Variants in LRP1B observed in about 807,000 individuals in gnomAD.
LRP1B encodes the protein LDL receptor related protein 1B, also known as low-density lipoprotein receptor-related protein 1B.
A neutral mutation model predicts 556.6 loss-of-function variants in LRP1B; 217 were observed. That is an observed-to-expected ratio of 0.39 (90% CI 0.35 to 0.44). The LOEUF (loss-of-function observed/expected upper bound fraction) is 0.44, where lower values mean the gene tolerates loss of function less well. LRP1B is among the 20% of genes least tolerant of loss of function. The probability of loss-of-function intolerance (pLI) is 1.00; values close to 1 mark genes in which losing one functional copy is unlikely to be tolerated. For synonymous variants in LRP1B, 2,047 were observed against 1,865.8 expected (o/e 1.10, Z -2.50); for missense variants, 5,053 against 5,620.8 (o/e 0.90, Z 3.23).
intron 86 of LRP1B, among the ~76,000 whole-genome samples, chr2:140,262,594 A>C (rs565242198): frequency 6.6e-6 from 1 of 152,282 alleles, no homozygotes; most frequent in Non-Finnish European, 1.5e-5. Flanking sequence ...TTGATAGTGA[A>C]GATACTGGAC....
intron 35 of LRP1B, among the ~76,000 whole-genome samples, chr2:140,739,373 AAAAT>A (rs1409091014): frequency 6.6e-6 from 1 of 152,026 alleles, no homozygotes; most frequent in East Asian, 1.9e-4. Flanking sequence ...AAAAAAAAAA[AAAAT>A]GACAGAATAG....
chr2:140,850,340 A>T lies in LRP1B; in HGVS notation c.4712-11T>A. 6.6e-7 allele frequency: 1 copy of T among 1,525,672 alleles called. No individual in the cohort carries two copies. The highest frequency in any genetic ancestry group is 1.8e-5 in the Admixed American group (1 of 56,244). The allele number at this position is 1,525,672 out of a possible 1,614,324, so 94.5% of individuals were successfully genotyped here. ...GAAATTTTTTCATTTCTAAAAAAGA[A>T]ATAGAAATTCTTTTCTCTTATGAAG... On this transcript the variant is annotated splice_polypyrimidine_tract_variant and intron_variant, in intron 28 of 90. Transcript: ENST00000389484.
chr2:141,580,085 A>G (rs906103435), intron 2 of LRP1B, among the ~76,000 whole-genome samples: 8 of 152,178 alleles, frequency 5.3e-5, no homozygotes, highest in African/African-American at 1.9e-4. Context: ...GGCTTTGAGC[A>G]CTGGTATTCA....
At chr2:140,639,904 C>T (rs1041459468) in intron 41 of LRP1B, among the ~76,000 whole-genome samples, 2 of 152,150 alleles carry the variant, frequency 1.3e-5, no homozygotes, top group South Asian at 4.1e-4. Flanking sequence ...TGTGCTACTA[C>T]CTCAGAGTCT....
intron 83 of LRP1B, among the ~76,000 whole-genome samples, chr2:140,306,252 G>A (rs998518721): frequency 3.9e-5 from 6 of 151,994 alleles, no homozygotes; most frequent in South Asian, 2.1e-4. Flanking sequence ...TTGTACTTCC[G>A]GTAGAATTTG....
chr2:141,691,097 G>A (rs1245327783), intron 2 of LRP1B, among the ~76,000 whole-genome samples: 1 of 151,714 alleles, frequency 6.6e-6, no homozygotes. Context: ...AAAACGAATG[G>A]GTCAAGAAAG....
At chr2:141,185,068 A>T (rs535809740) in intron 7 of LRP1B, among the ~76,000 whole-genome samples, 1 of 152,084 alleles carries the variant, frequency 6.6e-6, no homozygotes. Flanking sequence ...AATATTAGCA[A>T]TTATCATTGA....
chr2:141,927,977 T>C (rs1307496356), intron 1 of LRP1B, among the ~76,000 whole-genome samples: 1 of 151,734 alleles, frequency 6.6e-6, no homozygotes, highest in Non-Finnish European at 1.5e-5. Flanking sequence ...GCTGTTGATG[T>C]TCTACCATCT....
chr2:140,673,754 GC>G (rs991348290), intron 41 of LRP1B, among the ~76,000 whole-genome samples: 26 of 152,064 alleles, frequency 1.7e-4, no homozygotes, highest in South Asian at 1.2e-3. Flanking sequence ...ACTAGTTCGG[GC>G]CGTGACAGAA....
At chr2:141,784,411 T>G (rs1695358452) in intron 2 of LRP1B, among the ~76,000 whole-genome samples, 1 of 152,032 alleles carries the variant, frequency 6.6e-6, no homozygotes, top group Non-Finnish European at 1.5e-5. Flanking sequence ...AAAATTTGTG[T>G]GAACATATAG....
rs557964342 is a variant in LRP1B at position 141,668,591 on chromosome 2, C to T, written c.205+141688G>A. Among the ~76,000 whole-genome samples, 6 of 152,250 alleles carry T rather than the reference C, an allele frequency of 3.9e-5. No individual in the cohort carries two copies. The East Asian group carries it at 1.2e-3, about 29-fold the overall frequency. On this transcript the variant is annotated intron_variant, in intron 2 of 90. Transcript: ENST00000389484. Reference sequence around the variant, plus strand: ...GGATGGCCAAACTCCAGAGGAAGATCATCTTCCCACTCTATCCTCTTTCCA... The same window carrying T: ...GGATGGCCAAACTCCAGAGGAAGATTATCTTCCCACTCTATCCTCTTTCCA...
chr2:141,341,310 T>C (rs1339777918), intron 3 of LRP1B, among the ~76,000 whole-genome samples: 1 of 152,218 alleles, frequency 6.6e-6, no homozygotes, highest in African/African-American at 2.4e-5. Flanking sequence ...CAGTTATCTC[T>C]AATAATTCCT....
intron 7 of LRP1B, among the ~76,000 whole-genome samples, chr2:141,106,085 T>C (rs1448907779): frequency 6.6e-6 from 1 of 152,128 alleles, no homozygotes; most frequent in Non-Finnish European, 1.5e-5. Flanking sequence ...TTTAAAAAAA[T>C]AAAACTCATG....
At chr2:140,300,717 T>C (rs879879703) in intron 83 of LRP1B, among the ~76,000 whole-genome samples, 5 of 152,128 alleles carry the variant, frequency 3.3e-5, no homozygotes, top group Admixed American at 3.3e-4. Flanking sequence ...TGTAGGACCA[T>C]GGGGAAATAT....
intron 47 of LRP1B, among the ~76,000 whole-genome samples, chr2:140,532,346 C>T (rs1690731933): frequency 6.6e-6 from 1 of 151,902 alleles, no homozygotes; most frequent in Non-Finnish European, 1.5e-5. Context: ...CACCTTCATG[C>T]CCTGGCTCCT....
chr2:141,624,869 A>C (rs355586), intron 2 of LRP1B, among the ~76,000 whole-genome samples: 36,594 of 152,032 alleles, frequency 0.24, 5,860 homozygotes, highest in African/African-American at 0.45. Flanking sequence ...TCCCAGGTTC[A>C]TTCCATTCTC....
chr2:141,767,786 A>G (rs1434889008), intron 2 of LRP1B, among the ~76,000 whole-genome samples: 1 of 152,164 alleles, frequency 6.6e-6, no homozygotes, highest in Admixed American at 6.5e-5. Context: ...CAGGAGCAAG[A>G]AAATTAAACA....
At chr2:140,667,291 C>T (rs977183311) in intron 41 of LRP1B, among the ~76,000 whole-genome samples, 3 of 152,166 alleles carry the variant, frequency 2.0e-5, no homozygotes, top group Admixed American at 6.5e-5. Flanking sequence ...AGGTTTTTAG[C>T]TATGATAACC....
At chr2:141,781,061 C>A (rs367661286) in intron 2 of LRP1B, among the ~76,000 whole-genome samples, 3 of 151,932 alleles carry the variant, frequency 2.0e-5, no homozygotes, top group Non-Finnish European at 4.4e-5. Context: ...GAGGAGAATG[C>A]GGCACTTGTA....
Sources: allele counts gnomAD v4.1 joint callset (sites outside exome capture counted in the v4.1 genomes callset), GRCh38; gene constraint gnomAD v4.1.1; transcripts MANE v1.5; gene names NCBI Gene and HGNC (gene_info 2026-07-23, HGNC 2026-07-21).